EFNA2: variants seen among roughly 807,000 people sequenced by gnomAD.
The protein encoded by EFNA2 is ephrin-A2.
Under a neutral mutation model 19.7 loss-of-function variants are expected in EFNA2, and 18 were observed. That is an observed-to-expected ratio of 0.91 (90% CI 0.63 to 1.35). EFNA2 has a LOEUF of 1.35. Ranked by LOEUF, EFNA2 falls within the 40% of genes most tolerant of loss-of-function variation. The pLI, the probability that EFNA2 is intolerant of heterozygous loss-of-function variation, is 0.00. For synonymous variants in EFNA2, 187 were observed against 137.8 expected (o/e 1.36, Z -2.50); for missense variants, 303 against 296.0 (o/e 1.02, Z -0.17).
Position 1,300,979 on chromosome 19 carries a change from T to G in EFNA2, c.*1034T>G, listed in dbSNP as rs1447104009. Among the ~76,000 whole-genome samples the G allele has an allele frequency of 3.5e-5, 5 of 144,726 alleles. No individual in the cohort carries two copies. The highest frequency in any genetic ancestry group is 4.5e-5 in the Non-Finnish European group (3 of 66,536). The allele number at this position is 144,726 out of a possible 152,430, so 94.9% of individuals were successfully genotyped here. A position where few individuals can be genotyped will look rare whatever the true frequency, so the allele number is the denominator to read the frequency against. ...GGGGTCTTTTATTTTGGTGGGGGGG[T>G]GGGGTGGACTTTTAGAGTAGAAGCT... On this transcript the variant is annotated 3_prime_UTR_variant, in exon 4 of 4. Transcript: ENST00000215368.
At position 1,286,919 on chromosome 19, in the gene EFNA2, A is replaced by G. The variant is rs940201592; in HGVS notation, c.140+611A>G. 6.6e-6 allele frequency among the ~76,000 whole-genome samples: 1 copy of G among 152,098 alleles called. No homozygotes were observed. The highest frequency in any genetic ancestry group is 1.5e-5 in the Non-Finnish European group (1 of 68,006). On this transcript the variant is annotated intron_variant, in intron 1 of 3. Transcript: ENST00000215368. The surrounding 1 kb of genome is among the most constrained non-coding windows in gnomAD (Gnocchi z 5.6). ...GCTGGGGGTCAGCCCCGGGAGGGGCAGTGGGATGGAGTCCTCTCTTGTCCT... is the reference window on the plus strand; with the variant it reads ...GCTGGGGGTCAGCCCCGGGAGGGGCGGTGGGATGGAGTCCTCTCTTGTCCT...
At chr19:1,292,869 G>C (rs1329113298) in intron 1 of EFNA2, among the ~76,000 whole-genome samples, 1 of 152,202 alleles carries the variant, frequency 6.6e-6, no homozygotes, top group Non-Finnish European at 1.5e-5. Context: ...CAGCCACACA[G>C]AAGCCTCGGT....
intron 1 of EFNA2, among the ~76,000 whole-genome samples, chr19:1,291,358 C>T (rs559010851): frequency 2.0e-5 from 3 of 152,340 alleles, no homozygotes; most frequent in East Asian, 1.9e-4. Context: ...TGCACCATCC[C>T]GGGGACTGAT....
At chr19:1,298,400 C>T in intron 2 of EFNA2, 151 bp from the exon 3 acceptor site, 1 of 690,660 alleles carries the variant, frequency 1.4e-6, no homozygotes, top group Non-Finnish European at 2.5e-6. Context: ...GGCATTGTGT[C>T]TGGGGCTTTG....
rs909686604 is a variant in EFNA2, at chr19:1,300,725, T to C, written c.*780T>C. Among the ~76,000 whole-genome samples, 1 of 152,026 alleles carries C rather than the reference T, an allele frequency of 6.6e-6. No individual in the cohort carries two copies. The highest frequency in any genetic ancestry group is 6.5e-5 in the Admixed American group (1 of 15,268). ...CTCCTGGTCATTTCCTCCCAGACAC[T>C]GTTTTGCCCCAGCGCCCTTCGGAAT... On this transcript the variant is annotated 3_prime_UTR_variant, in exon 4 of 4. Coordinates refer to ENST00000215368, the MANE Select transcript of EFNA2 (RefSeq NM_001405.4).
At position 1,300,389 on chromosome 19, in the gene EFNA2, A is replaced by T. The variant is rs1289698609; in HGVS notation, c.*444A>T. On this transcript the variant is annotated 3_prime_UTR_variant, in exon 4 of 4. Coordinates refer to ENST00000215368, the MANE Select transcript of EFNA2 (RefSeq NM_001405.4). ...CCTGGCCTGGGGGAGGGGAACGCGGAACATGGGGTCGGGAACACAGCCGCT... is the reference window on the plus strand; with the variant it reads ...CCTGGCCTGGGGGAGGGGAACGCGGTACATGGGGTCGGGAACACAGCCGCT... Among the ~76,000 whole-genome samples the T allele has an allele frequency of 1.3e-5, 2 of 151,034 alleles. No individual in the cohort carries two copies. The highest frequency in any genetic ancestry group is 3.9e-4 in the East Asian group (2 of 5,122).
At chr19:1,298,724 C>T (rs2081527233) in intron 3 of EFNA2, 108 bp downstream of exon 3, 2 of 1,230,528 alleles carry the variant, frequency 1.6e-6, no homozygotes, top group Non-Finnish European at 1.1e-6. Context: ...TCGGGTTTCC[C>T]TATCTTGCCC....
rs1434211855 is a variant in EFNA2, at chr19:1,301,338, C to T, written c.*1393C>T. Among the ~76,000 whole-genome samples, 3 of 151,496 alleles carry T rather than the reference C, an allele frequency of 2.0e-5. No homozygotes were observed. The highest frequency in any genetic ancestry group is 4.8e-5 in the African/African-American group (2 of 41,350). ...GGGTCGGCGGGGCGGGCCGCGTTGCCAGGCCTGGAGCTGGCGACCGGGCCT... is the reference window on the plus strand; with the variant it reads ...GGGTCGGCGGGGCGGGCCGCGTTGCTAGGCCTGGAGCTGGCGACCGGGCCT... On this transcript the variant is annotated 3_prime_UTR_variant, in exon 4 of 4. Transcript: ENST00000215368.
chr19:1,287,085 T>C lies in EFNA2; in HGVS notation c.140+777T>C, dbSNP rs1274175136. Among the ~76,000 whole-genome samples, 1 of 152,220 alleles carries C rather than the reference T, an allele frequency of 6.6e-6. No homozygotes were observed. The highest frequency in any genetic ancestry group is 2.4e-5 in the African/African-American group (1 of 41,460). ...CGGCCGAGATGCCGCACCCGCCTGCTGCAGGCCCCCTTGTTTTGAACCAGG... is the reference window on the plus strand; with the variant it reads ...CGGCCGAGATGCCGCACCCGCCTGCCGCAGGCCCCCTTGTTTTGAACCAGG... On this transcript the variant is annotated intron_variant, in intron 1 of 3. Transcript: ENST00000215368. This position sits in a 1 kb window ranked among gnomAD's most constrained non-coding sequence, Gnocchi z 6.2.
rs1322992261 is a variant in EFNA2 at position 1,296,447 on chromosome 19, C to T, written c.454+589C>T. ...ATCCCAGCACTTTGGGATGCCGAGG[C>T]GGGAGGATCACTTGAGGCCAGCGTG... is the stretch of plus-strand genomic sequence containing the variant. On this transcript the variant is annotated intron_variant, in intron 2 of 3. Transcript: ENST00000215368. The surrounding 1 kb of genome is among the most constrained non-coding windows in gnomAD (Gnocchi z 4.4). Among the ~76,000 whole-genome samples the T allele has an allele frequency of 1.3e-5, 2 of 152,134 alleles. No homozygotes were observed. Among genetic ancestry groups the T allele is most frequent in the Non-Finnish European group, 2.9e-5 (2 of 68,022 alleles).
intron 2 of EFNA2, 136 bp from the exon 3 acceptor site, chr19:1,298,415 A>G: frequency 1.3e-6 from 1 of 747,000 alleles, no homozygotes; most frequent in Non-Finnish European, 2.2e-6. Context: ...GCTTTGATGT[A>G]CGATTAGGAG....
rs985418878 is a variant in EFNA2 at position 1,301,166 on chromosome 19, C to A, written c.*1221C>A. Among the ~76,000 whole-genome samples the A allele has an allele frequency of 6.7e-6, 1 of 150,074 alleles. No homozygotes were observed. Among genetic ancestry groups the A allele is most frequent in the African/African-American group, 2.4e-5 (1 of 40,988 alleles). ...GAAGACACTTTAATGAAGGAAACAA[C>A]ACATTTATACGGATTTCATATTTCT... On this transcript the variant is annotated 3_prime_UTR_variant, in exon 4 of 4. Transcript: ENST00000215368.
chr19:1,295,064 T>G lies in EFNA2; in HGVS notation c.141-481T>G, dbSNP rs966134205. On this transcript the variant is annotated intron_variant, in intron 1 of 3. Transcript: ENST00000215368. The surrounding 1 kb of genome is among the most constrained non-coding windows in gnomAD (Gnocchi z 5.8). ...CTCGCTGCTGGCCCTGCCGTGGGGCTGTTGGGGACACTGAGGCAGGAGGTG... is the reference window on the plus strand; with the variant it reads ...CTCGCTGCTGGCCCTGCCGTGGGGCGGTTGGGGACACTGAGGCAGGAGGTG... Among the ~76,000 whole-genome samples, 2 of 152,012 alleles carry G rather than the reference T, an allele frequency of 1.3e-5. No homozygotes were observed. Among genetic ancestry groups the G allele is most frequent in the Non-Finnish European group, 2.9e-5 (2 of 67,970 alleles).
Position 1,295,634 on chromosome 19 carries a change from G to A in EFNA2, c.230G>A (p.Gly77Glu). 1 of 1,611,530 alleles carries A rather than the reference G, an allele frequency of 6.2e-7. No homozygotes were observed. The highest frequency in any genetic ancestry group is 1.1e-5 in the South Asian group (1 of 90,850). ...CTGGACATCTACTGCCCGCACTATGGGGCGCCGCTGCCGCCGGCCGAGCGC... is the reference window on the plus strand; with the variant it reads ...CTGGACATCTACTGCCCGCACTATGAGGCGCCGCTGCCGCCGGCCGAGCGC... ...DYLDIYCPHY[G>E]APLPPAERME... The change falls in exon 2 of 4, where the codon GGG (glycine) becomes GAG (glutamate). Residue 77 changes from glycine to glutamate, a missense_variant. Physicochemically the swap from Gly to Glu is moderately conservative, Grantham distance 98 (BLOSUM62 -2). Transcript: ENST00000215368. This position sits in a 1 kb window ranked among gnomAD's most constrained non-coding sequence, Gnocchi z 5.8.
chr19:1,289,079 G>C (rs945874641), intron 1 of EFNA2, among the ~76,000 whole-genome samples: 1 of 152,256 alleles, frequency 6.6e-6, no homozygotes, highest in South Asian at 2.1e-4. Context: ...TGGCGTGCAG[G>C]TGTGCCTGGA....
chr19:1,285,019 G>A (rs2081456758), upstream of EFNA2, among the ~76,000 whole-genome samples: 1 of 152,226 alleles, frequency 6.6e-6, no homozygotes, highest in South Asian at 2.1e-4. This position sits in a 1 kb window ranked among gnomAD's most constrained non-coding sequence, Gnocchi z 4.1. Context: ...AAGCCCAGGT[G>A]GGAAGATCGC....
At position 1,287,190 on chromosome 19, in the gene EFNA2, G is replaced by A. The variant is rs2081469393; in HGVS notation, c.140+882G>A. Among the ~76,000 whole-genome samples the A allele has an allele frequency of 6.6e-6, 1 of 152,222 alleles. No individual in the cohort carries two copies. Among genetic ancestry groups the A allele is most frequent in the African/African-American group, 2.4e-5 (1 of 41,458 alleles). On this transcript the variant is annotated intron_variant, in intron 1 of 3. Coordinates refer to ENST00000215368, the MANE Select transcript of EFNA2 (RefSeq NM_001405.4). This position sits in a 1 kb window ranked among gnomAD's most constrained non-coding sequence, Gnocchi z 6.2. ...AAAAGTTTGCCGGGGCCTGGCCATG[G>A]CCTGGACGTGGGTAGAACCCTCTGA...
chr19:1,285,276 G>T (rs1057488654), upstream of EFNA2, among the ~76,000 whole-genome samples: 14 of 152,170 alleles, frequency 9.2e-5, no homozygotes, highest in African/African-American at 3.4e-4. The surrounding 1 kb of genome is among the most constrained non-coding windows in gnomAD (Gnocchi z 4.1). Flanking sequence ...GTCGGCCGGG[G>T]CTTCACTCTG....
intron 1 of EFNA2, among the ~76,000 whole-genome samples, chr19:1,288,529 G>C (rs1204911032): frequency 6.6e-6 from 1 of 152,096 alleles, no homozygotes; most frequent in Admixed American, 6.5e-5. Context: ...AGGCACTGGA[G>C]ACGGGGACAG....
Sources: allele counts gnomAD v4.1 joint callset (sites outside exome capture counted in the v4.1 genomes callset), GRCh38; gene constraint gnomAD v4.1.1; non-coding constraint Gnocchi (gnomAD v3.1); transcripts MANE v1.5; gene names NCBI Gene and HGNC (gene_info 2026-07-23, HGNC 2026-07-21).